Variants in PEBP4 observed in about 807,000 individuals in gnomAD.
The protein encoded by PEBP4 is phosphatidylethanolamine-binding protein 4.
Under a neutral mutation model 23.9 loss-of-function variants are expected in PEBP4, and 22 were observed. The observed-to-expected ratio is 0.92, with a 90% CI of 0.66 to 1.31. The LOEUF (loss-of-function observed/expected upper bound fraction) is 1.31. Ranked by LOEUF, PEBP4 falls within the 40% of genes most tolerant of loss-of-function variation. PEBP4 has a pLI of 0.00. For synonymous variants in PEBP4, 112 were observed against 99.3 expected, an observed-to-expected ratio of 1.13 and a Z score of -0.76; for missense variants, 324 against 281.7, an observed-to-expected ratio of 1.15 and a Z score of -1.07.
At chr8:22,797,164 G>C (rs1806277570) in intron 4 of PEBP4, among the ~76,000 whole-genome samples, 1 of 149,158 alleles carries the variant, frequency 6.7e-6, no homozygotes, top group Non-Finnish European at 1.5e-5. Context: ...TGAGGCAGAA[G>C]AATCGCTTGA....
intron 3 of PEBP4, among the ~76,000 whole-genome samples, chr8:22,881,349 A>G (rs1241223944): frequency 6.6e-6 from 1 of 152,192 alleles, no homozygotes; most frequent in East Asian, 1.9e-4. Context: ...CCAAGTGTCC[A>G]AGGCTGGCCA....
chr8:22,924,163 G>A (rs1200976068), intron 2 of PEBP4, among the ~76,000 whole-genome samples: 1 of 152,142 alleles, frequency 6.6e-6, no homozygotes, highest in African/African-American at 2.4e-5. Context: ...AGGAGTTTGA[G>A]AACAGCCTGG....
intron 3 of PEBP4, among the ~76,000 whole-genome samples, chr8:22,857,241 T>TACACACACACACAC (rs35324307): frequency 0.01 from 1,506 of 148,098 alleles, 21 homozygotes; most frequent in African/African-American, 0.035. Context: ...AAATGAAACC[T>TACACACACACACAC]ACACACACAC....
chr8:22,887,026 T>C (rs1456923127), intron 3 of PEBP4: 1 of 152,230 alleles, frequency 6.6e-6, no homozygotes, highest in Non-Finnish European at 1.5e-5. Flanking sequence ...CTTATTTTTC[T>C]CCTTATCTCT....
chr8:22,776,171 A>G (rs2313169), intron 4 of PEBP4, among the ~76,000 whole-genome samples: 106,860 of 151,924 alleles, frequency 0.7, 38,288 homozygotes, highest in South Asian at 0.78. Flanking sequence ...AGAATCCTGA[A>G]ATGCTGACGC....
intron 3 of PEBP4, among the ~76,000 whole-genome samples, chr8:22,913,082 C>G (rs1268099993): frequency 6.6e-6 from 1 of 152,224 alleles, no homozygotes; most frequent in African/African-American, 2.4e-5. Flanking sequence ...AAATCCATCT[C>G]TTTCTATTGT....
rs188200202 is a variant in PEBP4, at chr8:22,763,488, G to A, written c.358-36268C>T. Among the ~76,000 whole-genome samples the A allele has an allele frequency of 2.6e-4, 40 of 152,318 alleles. 1 individual carries two copies. Among genetic ancestry groups the A allele is most frequent in the African/African-American group, 8.7e-4 (36 of 41,570 alleles). On this transcript the variant is annotated intron_variant, in intron 4 of 6. Transcript: ENST00000256404. ...GAGCAGTGAATGCTGGCCCTAGAGC[G>A]TGTAGCTTCGAATCTTGCACTGCCA...
At chr8:22,730,949 C>T (rs528938876) in intron 4 of PEBP4, among the ~76,000 whole-genome samples, 20 of 152,326 alleles carry the variant, frequency 1.3e-4, no homozygotes, top group African/African-American at 4.8e-4. Context: ...TCCCTCACAC[C>T]TTCGGCCTCC....
chr8:22,825,360 A>C (rs1197361694), intron 3 of PEBP4, among the ~76,000 whole-genome samples: 1 of 152,220 alleles, frequency 6.6e-6, no homozygotes, highest in South Asian at 2.1e-4. Context: ...ATGGCAGCCC[A>C]TTCTTTAAGC....
intron 3 of PEBP4, among the ~76,000 whole-genome samples, chr8:22,881,735 C>T (rs2128772465): frequency 6.6e-6 from 1 of 152,272 alleles, no homozygotes; most frequent in Non-Finnish European, 1.5e-5. Context: ...CATGGATGAT[C>T]CTGCCCATGA....
intron 4 of PEBP4, among the ~76,000 whole-genome samples, chr8:22,754,219 G>A (rs1234149246): frequency 6.6e-6 from 1 of 152,132 alleles, no homozygotes; most frequent in African/African-American, 2.4e-5. Flanking sequence ...CCCACAGGGT[G>A]CTCCCTCCTG....
At chr8:22,890,044 A>T (rs192118082) in intron 3 of PEBP4, among the ~76,000 whole-genome samples, 166 of 152,336 alleles carry the variant, frequency 1.1e-3, no homozygotes, top group Non-Finnish European at 3.5e-4. Flanking sequence ...ATGCTCCTTG[A>T]TAGGAGTGAG....
intron 2 of PEBP4, among the ~76,000 whole-genome samples, chr8:22,922,841 G>A (rs944005547): frequency 1.3e-5 from 2 of 152,128 alleles, no homozygotes; most frequent in Non-Finnish European, 1.5e-5. Flanking sequence ...GAGAGTTTGG[G>A]GATCTCCTGA....
chr8:22,750,446 G>A (rs1377633162), intron 4 of PEBP4, among the ~76,000 whole-genome samples: 2 of 152,212 alleles, frequency 1.3e-5, no homozygotes, highest in Non-Finnish European at 2.9e-5. Flanking sequence ...TTTCCTAGGG[G>A]CTTGGATGTG....
chr8:22,931,226 T>G (rs559329991), upstream of PEBP4, among the ~76,000 whole-genome samples: 4 of 152,304 alleles, frequency 2.6e-5, no homozygotes, highest in East Asian at 7.7e-4. Context: ...GATTCCTAAT[T>G]AAAAATTAAT....
At chr8:22,938,558 G>C (rs1809569697) in intron 1 of PEBP4, among the ~76,000 whole-genome samples, 1 of 152,158 alleles carries the variant, frequency 6.6e-6, no homozygotes, top group Non-Finnish European at 1.5e-5. Context: ...ATGGAGGAGG[G>C]ACCCCATGTA....
intron 3 of PEBP4, among the ~76,000 whole-genome samples, chr8:22,918,203 T>A (rs2466216): frequency 3.9e-5 from 6 of 152,146 alleles, no homozygotes; most frequent in Admixed American, 6.5e-5. Flanking sequence ...TGAATCTGCC[T>A]TCTCATAGGT....
chr8:22,929,839 G>A (rs542547597), upstream of PEBP4, among the ~76,000 whole-genome samples: 1 of 152,282 alleles, frequency 6.6e-6, no homozygotes, highest in South Asian at 2.1e-4. Context: ...CTCTCAAGTA[G>A]CTGGGAGTAC....
At chr8:22,749,740 T>C (rs1340850682) in intron 4 of PEBP4, among the ~76,000 whole-genome samples, 4 of 150,552 alleles carry the variant, frequency 2.7e-5, no homozygotes, top group African/African-American at 4.9e-5. Flanking sequence ...ACGGCATCCA[T>C]AGGACCAGTC....
Sources: gnomAD v4.1 joint callset for allele counts (sites outside exome capture counted in the v4.1 genomes callset) on GRCh38, gnomAD v4.1.1 for gene constraint, MANE v1.5 for transcripts, NCBI Gene and HGNC (gene_info 2026-07-23, HGNC 2026-07-21) for gene names.